Variants in ROBO2 observed in about 807,000 individuals in gnomAD.
The protein encoded by ROBO2 is roundabout homolog 2.
In ROBO2, 53 loss-of-function variants were observed where a neutral mutation model predicts 160.8. The ratio of observed to expected loss-of-function variants is 0.33; its 90% CI spans 0.26 to 0.41. The LOEUF (loss-of-function observed/expected upper bound fraction) is 0.41. ROBO2 is among the 10% of genes least tolerant of loss of function. The pLI is 1.00. For missense variants in ROBO2, 1,577 were observed against 1,722.4 expected, an observed-to-expected ratio of 0.92 and a Z score of 1.49; for synonymous variants, 664 against 611.7, an observed-to-expected ratio of 1.09 and a Z score of -1.26.
intron 2 of ROBO2, among the ~76,000 whole-genome samples, chr3:76,154,355 T>A (rs1315350524): frequency 2.0e-5 from 3 of 152,100 alleles, no homozygotes; most frequent in Non-Finnish European, 4.4e-5. Context: ...ATTTGTGGGA[T>A]GAGTCAGTGA....
intron 2 of ROBO2, among the ~76,000 whole-genome samples, chr3:77,204,188 G>A (rs62251830): frequency 0.022 from 3,364 of 152,294 alleles, 49 homozygotes; most frequent in Middle Eastern, 0.051. Context: ...AGGAACTAGA[G>A]ATGTAGGTTC....
At chr3:76,595,393 G>T (rs1046005514) in intron 2 of ROBO2, among the ~76,000 whole-genome samples, 2 of 151,882 alleles carry the variant, frequency 1.3e-5, no homozygotes, top group Admixed American at 6.6e-5. Flanking sequence ...GTTATTTTGT[G>T]TAAGTATAAC....
chr3:77,013,395 G>A (rs912034918), intron 2 of ROBO2, among the ~76,000 whole-genome samples: 6 of 152,020 alleles, frequency 3.9e-5, no homozygotes, highest in African/African-American at 9.7e-5. Flanking sequence ...GAAGAATGTG[G>A]TTGTGAGGCA....
At chr3:76,847,304 GC>G (rs1291275015) in intron 2 of ROBO2, among the ~76,000 whole-genome samples, 1 of 152,114 alleles carries the variant, frequency 6.6e-6, no homozygotes, top group Non-Finnish European at 1.5e-5. Flanking sequence ...GTTTAATGAG[GC>G]CAGCTGGAAA....
At chr3:77,129,506 G>C (rs1237288294) in intron 2 of ROBO2, among the ~76,000 whole-genome samples, 1 of 152,182 alleles carries the variant, frequency 6.6e-6, no homozygotes, top group Non-Finnish European at 1.5e-5. Flanking sequence ...GCAGGTTGTG[G>C]AAGCGTTTTT....
chr3:77,212,021 T>C (rs1254625623), intron 2 of ROBO2, among the ~76,000 whole-genome samples: 1 of 152,200 alleles, frequency 6.6e-6, no homozygotes, highest in East Asian at 1.9e-4. Flanking sequence ...TGCCTCCAGC[T>C]TTGTTCTTTT....
At chr3:76,026,858 A>G (rs1293639111) in intron 2 of ROBO2, among the ~76,000 whole-genome samples, 1 of 151,898 alleles carries the variant, frequency 6.6e-6, no homozygotes, top group African/African-American at 2.4e-5. Flanking sequence ...TATTTGAGTG[A>G]AAAGGGCCAA....
chr3:76,695,949 T>C (rs1442951084), intron 2 of ROBO2, among the ~76,000 whole-genome samples: 1 of 152,226 alleles, frequency 6.6e-6, no homozygotes, highest in Non-Finnish European at 1.5e-5. Flanking sequence ...ATGCTTTCCA[T>C]GAACTTACAA....
At chr3:77,248,428 T>C (rs2089978059) in intron 2 of ROBO2, among the ~76,000 whole-genome samples, 1 of 152,124 alleles carries the variant, frequency 6.6e-6, no homozygotes, top group African/African-American at 2.4e-5. Context: ...TGAAAAACTG[T>C]CACACTGACC....
At chr3:76,453,227 GT>G (rs1333570271) in intron 2 of ROBO2, among the ~76,000 whole-genome samples, 2 of 152,148 alleles carry the variant, frequency 1.3e-5, no homozygotes, top group African/African-American at 4.8e-5. Context: ...TGCTTTTGGT[GT>G]TTTAGACATG....
At chr3:76,252,748 T>G (rs941964956) in intron 2 of ROBO2, among the ~76,000 whole-genome samples, 1 of 100,776 alleles carries the variant, frequency 9.9e-6, no homozygotes, top group African/African-American at 3.4e-5. Context: ...ATAAAACGCA[T>G]GTATATGTAT....
intron 2 of ROBO2, among the ~76,000 whole-genome samples, chr3:77,320,671 T>A (rs1450753826): frequency 6.6e-6 from 1 of 152,042 alleles, no homozygotes; most frequent in Non-Finnish European, 1.5e-5. Context: ...GGAGAGGACT[T>A]GTTGAACTAC....
chr3:76,243,815 G>C, intron 2 of ROBO2, among the ~76,000 whole-genome samples: 1 of 152,282 alleles, frequency 6.6e-6, no homozygotes, highest in Middle Eastern at 3.4e-3. Context: ...CACTTATGGA[G>C]ATTAAAAGCT....
intron 1 of ROBO2, among the ~76,000 whole-genome samples, chr3:77,046,201 A>G (rs1042248640): frequency 1.3e-5 from 2 of 152,192 alleles, no homozygotes; most frequent in African/African-American, 4.8e-5. Flanking sequence ...GCTACTTTAC[A>G]TTGCCATTAG....
intron 1 of ROBO2, among the ~76,000 whole-genome samples, chr3:77,089,984 T>G (rs1032268916): frequency 6.6e-6 from 1 of 152,182 alleles, no homozygotes; most frequent in Non-Finnish European, 1.5e-5. Context: ...CACTGAGATA[T>G]GTTTCCTTCA....
chr3:76,205,335 T>C (rs1265006022), intron 2 of ROBO2, among the ~76,000 whole-genome samples: 2 of 152,002 alleles, frequency 1.3e-5, no homozygotes, highest in East Asian at 1.9e-4. Context: ...AAGGCCAAGA[T>C]GGAAGTGAGG....
chr3:77,205,638 C>T (rs968348621), intron 2 of ROBO2, among the ~76,000 whole-genome samples: 3 of 152,020 alleles, frequency 2.0e-5, no homozygotes, highest in East Asian at 1.9e-4. Context: ...CCTCTTCTAC[C>T]GTATTTCCCT....
chr3:75,917,031 A>T (rs1946842827), intron 1 of ROBO2, among the ~76,000 whole-genome samples: 1 of 152,058 alleles, frequency 6.6e-6, no homozygotes, highest in Non-Finnish European at 1.5e-5. Flanking sequence ...TTCATTTTTT[A>T]AAATTTTACT....
At chr3:76,981,421 C>T (rs995873980) in intron 2 of ROBO2, among the ~76,000 whole-genome samples, 1 of 152,112 alleles carries the variant, frequency 6.6e-6, no homozygotes, top group Non-Finnish European at 1.5e-5. Flanking sequence ...ATTTTCATTT[C>T]CCTGATGGCT....
Sources: allele counts gnomAD v4.1 joint callset (sites outside exome capture counted in the v4.1 genomes callset), GRCh38; gene constraint gnomAD v4.1.1; transcripts MANE v1.5; gene names NCBI Gene and HGNC (gene_info 2026-07-23, HGNC 2026-07-21).